The following PLPPR1 variants were observed in gnomAD, a reference collection of about 807,000 sequenced individuals.
PLPPR1 encodes the protein phospholipid phosphatase-related protein type 1.
A neutral mutation model predicts 33.1 loss-of-function variants in PLPPR1; 10 were observed. The observed-to-expected ratio is 0.30, with a 90% CI of 0.19 to 0.51. PLPPR1 has a LOEUF of 0.51. Ranked by LOEUF, PLPPR1 falls within the 20% of genes least tolerant of loss-of-function variation. The pLI, the probability that PLPPR1 is intolerant of heterozygous loss-of-function variation, is 0.97. For synonymous variants in PLPPR1, 151 were observed against 151.0 expected, an observed-to-expected ratio of 1.00 and a Z score of 0.00; for missense variants, 304 against 408.1, an observed-to-expected ratio of 0.74 and a Z score of 2.20.
intron 2 of PLPPR1, among the ~76,000 whole-genome samples, chr9:101,266,808 T>C (rs528075610): frequency 6.6e-6 from 1 of 152,324 alleles, no homozygotes; most frequent in East Asian, 1.9e-4. Context: ...CTTGTGTTTG[T>C]CTTGAGTTCT....
intron 1 of PLPPR1, among the ~76,000 whole-genome samples, chr9:101,166,850 C>T (rs1343762625): frequency 6.6e-6 from 1 of 151,886 alleles, no homozygotes; most frequent in African/African-American, 2.4e-5. Context: ...CGTAGCAGTG[C>T]AGGCAAACCA....
chr9:101,196,698 A>G (rs1421411312), intron 2 of PLPPR1, among the ~76,000 whole-genome samples: 1 of 152,076 alleles, frequency 6.6e-6, no homozygotes, highest in Non-Finnish European at 1.5e-5. Flanking sequence ...CGTCTCTACT[A>G]AAAATATAAA....
chr9:101,316,467 G>T (rs1048153939), intron 6 of PLPPR1, among the ~76,000 whole-genome samples: 1 of 151,638 alleles, frequency 6.6e-6, no homozygotes, highest in African/African-American at 2.4e-5. Context: ...AAAGCTGAGT[G>T]TAAGAGTGAG....
intron 1 of PLPPR1, among the ~76,000 whole-genome samples, chr9:101,056,544 G>A (rs139698319): frequency 1.7e-3 from 257 of 152,304 alleles, no homozygotes; most frequent in African/African-American, 5.8e-3. Context: ...ATACCTTGTG[G>A]CCTTTGGAGT....
intron 1 of PLPPR1, among the ~76,000 whole-genome samples, chr9:101,172,528 T>C (rs1449017584): frequency 6.6e-6 from 1 of 152,138 alleles, no homozygotes; most frequent in Non-Finnish European, 1.5e-5. Flanking sequence ...AAAGTATTCT[T>C]GGCCCTGTGT....
At chr9:101,046,496 G>A (rs1477439107) in intron 1 of PLPPR1, among the ~76,000 whole-genome samples, 1 of 138,796 alleles carries the variant, frequency 7.2e-6, no homozygotes, top group African/African-American at 2.8e-5. Flanking sequence ...CTTGAGTGCA[G>A]TGGCACGATC....
In PLPPR1 at chr9:101,324,215, C is replaced by T; in HGVS notation, c.*158C>T. 2.0e-6 allele frequency: 1 copy of T among 491,490 alleles called. No individual in the cohort carries two copies. The highest frequency in any genetic ancestry group is 3.5e-6 in the Non-Finnish European group (1 of 289,852). The allele number at this position is 491,490 out of a possible 1,614,324, so 30.4% of individuals were successfully genotyped here. A position where few individuals can be genotyped will look rare whatever the true frequency, so the allele number is the denominator to read the frequency against. On this transcript the variant is annotated 3_prime_UTR_variant, in exon 8 of 8. Transcript: ENST00000374874. ...TTTTTTGTATGAGGAAGTGATGTAGCTTGCCCTGATTTTTTTTTTTTTTTT... is the reference window on the plus strand; with the variant it reads ...TTTTTTGTATGAGGAAGTGATGTAGTTTGCCCTGATTTTTTTTTTTTTTTT...
At chr9:101,154,781 C>G (rs1054357116) in intron 1 of PLPPR1, among the ~76,000 whole-genome samples, 1 of 151,906 alleles carries the variant, frequency 6.6e-6, no homozygotes, top group Non-Finnish European at 1.5e-5. Context: ...ACTATGCAGC[C>G]ATAAAAAGGA....
chr9:101,137,278 A>G (rs1831388438), intron 1 of PLPPR1, among the ~76,000 whole-genome samples: 1 of 152,210 alleles, frequency 6.6e-6, no homozygotes, highest in African/African-American at 2.4e-5. Flanking sequence ...TAAAGGCAAG[A>G]GAAGCAACTG....
At chr9:101,207,443 G>T (rs1826611151) in intron 2 of PLPPR1, among the ~76,000 whole-genome samples, 1 of 152,104 alleles carries the variant, frequency 6.6e-6, no homozygotes, top group African/African-American at 2.4e-5. Context: ...ATGGGGATTG[G>T]CAGTCTTCAT....
At chr9:101,176,719 C>A (rs909341864) in intron 1 of PLPPR1, among the ~76,000 whole-genome samples, 1 of 152,104 alleles carries the variant, frequency 6.6e-6, no homozygotes, top group Non-Finnish European at 1.5e-5. Flanking sequence ...AGTGACATTC[C>A]GCCTCTACCC....
intron 2 of PLPPR1, among the ~76,000 whole-genome samples, chr9:101,261,894 A>T (rs1305874512): frequency 6.6e-6 from 1 of 152,126 alleles, no homozygotes; most frequent in Non-Finnish European, 1.5e-5. Flanking sequence ...TACCTACGTG[A>T]TGAAATAATC....
At chr9:101,286,420 T>C (rs1284335025) in intron 4 of PLPPR1, among the ~76,000 whole-genome samples, 184 bp downstream of exon 4, 3 of 152,194 alleles carry the variant, frequency 2.0e-5, no homozygotes, top group Admixed American at 6.5e-5. Context: ...AATTGTCTTA[T>C]GAATGATTTC....
intron 1 of PLPPR1, among the ~76,000 whole-genome samples, chr9:101,175,911 A>T (rs908050305): frequency 6.6e-6 from 1 of 152,168 alleles, no homozygotes; most frequent in Non-Finnish European, 1.5e-5. Context: ...GAAAGCTTGG[A>T]TGCTTTATAT....
chr9:101,292,021 G>A (rs1423026591), intron 4 of PLPPR1, among the ~76,000 whole-genome samples: 1 of 152,014 alleles, frequency 6.6e-6, no homozygotes, highest in East Asian at 1.9e-4. Flanking sequence ...CAAATCAAAG[G>A]CAAAGAAGTT....
intron 1 of PLPPR1, among the ~76,000 whole-genome samples, chr9:101,130,314 T>C (rs748011283): frequency 1.3e-5 from 2 of 152,170 alleles, no homozygotes; most frequent in Non-Finnish European, 2.9e-5. Context: ...GCTGAGCAGA[T>C]TGGGGGCATT....
chr9:101,172,999 C>A (rs896728972), intron 1 of PLPPR1, among the ~76,000 whole-genome samples: 1 of 152,048 alleles, frequency 6.6e-6, no homozygotes, highest in African/African-American at 2.4e-5. Flanking sequence ...TGGCTGGAAG[C>A]AAAATCCCTC....
At chr9:101,289,533 ATGT>A (rs1828455002) in intron 4 of PLPPR1, among the ~76,000 whole-genome samples, 1 of 152,192 alleles carries the variant, frequency 6.6e-6, no homozygotes, top group African/African-American at 2.4e-5. Context: ...TAATTCCCAC[ATGT>A]TGTGAGAGGG....
intron 1 of PLPPR1, among the ~76,000 whole-genome samples, chr9:101,150,826 T>C (rs1831574776): frequency 6.6e-6 from 1 of 152,090 alleles, no homozygotes; most frequent in African/African-American, 2.4e-5. Context: ...ATGATATGTT[T>C]GTGAACTCAG....
Sources: allele counts gnomAD v4.1 joint callset (sites outside exome capture counted in the v4.1 genomes callset), GRCh38; gene constraint gnomAD v4.1.1; transcripts MANE v1.5; gene names NCBI Gene and HGNC (gene_info 2026-07-23, HGNC 2026-07-21).